Variants in SYT16 observed in about 807,000 individuals in gnomAD.
SYT16 encodes synaptotagmin-16.
A neutral mutation model predicts 61.4 loss-of-function variants in SYT16; 42 were observed. The observed-to-expected ratio is 0.68, with a 90% CI of 0.53 to 0.89. SYT16 has a LOEUF of 0.89. Among genes scored for constraint, SYT16 ranks in the 40% least tolerant of loss-of-function variants. The probability of loss-of-function intolerance (pLI) is 0.00; values close to 1 mark genes in which losing one functional copy is unlikely to be tolerated. For missense variants in SYT16, 804 were observed against 807.3 expected, an observed-to-expected ratio of 1.00 and a Z score of 0.05; for synonymous variants, 314 against 302.3, an observed-to-expected ratio of 1.04 and a Z score of -0.40.
intron 3 of SYT16, among the ~76,000 whole-genome samples, chr14:62,066,637 A>AT (rs2056072272): frequency 6.6e-6 from 1 of 152,218 alleles, no homozygotes; most frequent in Non-Finnish European, 1.5e-5. Flanking sequence ...TTCAGGACCC[A>AT]TCTGTGAATG....
chr14:61,839,948 G>A (rs546277107), intron 1 of SYT16, among the ~76,000 whole-genome samples: 1 of 151,758 alleles, frequency 6.6e-6, no homozygotes, highest in Admixed American at 6.6e-5. Flanking sequence ...GAAGGGAAAG[G>A]GAGAGGAGAA....
At chr14:61,947,783 T>A (rs868119807) in intron 1 of SYT16, among the ~76,000 whole-genome samples, 4 of 152,158 alleles carry the variant, frequency 2.6e-5, no homozygotes, top group Non-Finnish European at 5.9e-5. Flanking sequence ...TAAATGAGCT[T>A]AGTGTAAAGG....
At chr14:61,849,223 C>G (rs562140927) in intron 1 of SYT16, among the ~76,000 whole-genome samples, 1 of 152,136 alleles carries the variant, frequency 6.6e-6, no homozygotes, top group Non-Finnish European at 1.5e-5. Context: ...TCTCTCCTCT[C>G]CTGAGGCAGA....
At chr14:62,011,595 G>A (rs2053452009) in intron 3 of SYT16, among the ~76,000 whole-genome samples, 1 of 152,048 alleles carries the variant, frequency 6.6e-6, no homozygotes, top group East Asian at 1.9e-4. Context: ...AACTACCTGA[G>A]AGTGGAGGAA....
intron 1 of SYT16, among the ~76,000 whole-genome samples, chr14:61,828,982 C>T (rs2045856464): frequency 6.6e-6 from 1 of 152,156 alleles, no homozygotes; most frequent in African/African-American, 2.4e-5. Context: ...TGGGCTTAGA[C>T]AGACATTTGA....
At chr14:61,918,366 CTG>C (rs2049198960) in intron 1 of SYT16, among the ~76,000 whole-genome samples, 1 of 152,124 alleles carries the variant, frequency 6.6e-6, no homozygotes, top group Non-Finnish European at 1.5e-5. Flanking sequence ...GAGCCATAAA[CTG>C]TAGCATGGCT....
intron 3 of SYT16, among the ~76,000 whole-genome samples, chr14:62,047,734 A>T (rs1292787337): frequency 6.6e-6 from 1 of 152,176 alleles, no homozygotes; most frequent in Non-Finnish European, 1.5e-5. Flanking sequence ...TGAGATAATC[A>T]TATGGTTTTT....
intron 1 of SYT16, among the ~76,000 whole-genome samples, chr14:61,916,443 G>C (rs188009323): frequency 6.6e-6 from 1 of 151,756 alleles, no homozygotes; most frequent in African/African-American, 2.4e-5. Flanking sequence ...TTTTCCCTGC[G>C]ATTTATTTTT....
intron 1 of SYT16, among the ~76,000 whole-genome samples, chr14:61,844,031 C>T (rs77632120): frequency 0.014 from 2,147 of 152,102 alleles, 52 homozygotes; most frequent in African/African-American, 0.049. Context: ...TTCCAATCCA[C>T]GAATATGAAA....
At chr14:61,859,741 G>A (rs1594773991) in intron 1 of SYT16, among the ~76,000 whole-genome samples, 3 of 152,004 alleles carry the variant, frequency 2.0e-5, no homozygotes, top group South Asian at 2.1e-4. Context: ...AGTGCTCACA[G>A]GAAGATGAAG....
chr14:62,053,413 C>T (rs974425631), intron 3 of SYT16, among the ~76,000 whole-genome samples: 1 of 152,190 alleles, frequency 6.6e-6, no homozygotes, highest in Non-Finnish European at 1.5e-5. Flanking sequence ...CAAAGTCAGA[C>T]TGAAACTACA....
chr14:62,082,125 G>A (rs2056730759), intron 6 of SYT16, among the ~76,000 whole-genome samples: 1 of 152,152 alleles, frequency 6.6e-6, no homozygotes, highest in African/African-American at 2.4e-5. Flanking sequence ...CATCGAGAGA[G>A]CGAGGCTGGT....
In SYT16 at chr14:61,996,374, A is replaced by G. The variant is rs2140632243; in HGVS notation, c.355A>G (p.Thr119Ala). Reference sequence around the variant, plus strand: ...CCAACATGCAAAGGACTCATGTTCCACAATGTCCCAGTGGCCCAATTGGGC... The same window carrying G: ...CCAACATGCAAAGGACTCATGTTCCGCAATGTCCCAGTGGCCCAATTGGGC... ...LSQHAKDSCSTMSQWPNWASD... is the reference protein window; with the variant it reads ...LSQHAKDSCSAMSQWPNWASD... Residue 119 changes from threonine (T) to alanine (A), a missense_variant, in exon 3 of 8, where the codon ACA becomes GCA. By Grantham distance (58) the Thr-to-Ala change is moderately conservative. Transcript: ENST00000683842. The G allele has an allele frequency of 2.5e-6, 4 of 1,613,584 alleles. No individual in the cohort carries two copies. Among genetic ancestry groups the G allele is most frequent in the Non-Finnish European group, 3.4e-6 (4 of 1,179,620 alleles).
At chr14:62,074,134 A>G (rs866745134) in intron 4 of SYT16, among the ~76,000 whole-genome samples, 1 of 152,112 alleles carries the variant, frequency 6.6e-6, no homozygotes, top group African/African-American at 2.4e-5. Flanking sequence ...TGGGAGGCAA[A>G]TAGTGGGGGC....
chr14:62,047,702 C>G (rs1185051283), intron 3 of SYT16, among the ~76,000 whole-genome samples: 1 of 152,138 alleles, frequency 6.6e-6, no homozygotes, highest in African/African-American at 2.4e-5. Context: ...TAAATTTTGT[C>G]AAAGGCCTTT....
chr14:62,081,825 GTTAT>G, intron 6 of SYT16, among the ~76,000 whole-genome samples: 1 of 152,302 alleles, frequency 6.6e-6, no homozygotes, highest in Non-Finnish European at 1.5e-5. Context: ...ACTGCTGTGG[GTTAT>G]ATGTCATGTA....
intron 1 of SYT16, among the ~76,000 whole-genome samples, chr14:61,924,399 C>G (rs928539138): frequency 6.6e-6 from 1 of 152,200 alleles, no homozygotes; most frequent in African/African-American, 2.4e-5. Context: ...GGCTTGGAAA[C>G]TTCATTGCAG....
At chr14:61,942,968 AATAG>A (rs570841796) in intron 1 of SYT16, among the ~76,000 whole-genome samples, 143 of 152,320 alleles carry the variant, frequency 9.4e-4, no homozygotes, top group African/African-American at 3.3e-3. Context: ...AGATTAATAA[AATAG>A]ATAGACCACT....
chr14:62,080,723 C>T, intron 5 of SYT16, 111 bp from the exon 6 acceptor site: 2 of 1,058,898 alleles, frequency 1.9e-6, no homozygotes, highest in Non-Finnish European at 2.8e-6. Context: ...AGGGAATACA[C>T]TGGCAGTTAG....
Sources: gnomAD v4.1 joint callset for allele counts (sites outside exome capture counted in the v4.1 genomes callset) on GRCh38, gnomAD v4.1.1 for gene constraint, MANE v1.5 for transcripts, NCBI Gene and HGNC (gene_info 2026-07-23, HGNC 2026-07-21) for gene names.